WDR41: variants seen among roughly 807,000 people sequenced by gnomAD.
WDR41 encodes WD repeat domain 41, also known as WD repeat-containing protein 41.
In WDR41, 63 loss-of-function variants were observed where a neutral mutation model predicts 69.3. The ratio of observed to expected loss-of-function variants is 0.91; its 90% CI spans 0.74 to 1.12. The LOEUF is 1.12. WDR41 is among the 50% of genes most tolerant of loss of function. The pLI is 0.00. For synonymous variants in WDR41, 185 were observed against 192.1 expected, an observed-to-expected ratio of 0.96 and a Z score of 0.31; for missense variants, 543 against 534.5, an observed-to-expected ratio of 1.02 and a Z score of -0.16.
intron 2 of WDR41, among the ~76,000 whole-genome samples, chr5:77,470,706 A>T (rs908822725): frequency 3.3e-5 from 5 of 152,212 alleles, no homozygotes; most frequent in African/African-American, 1.2e-4. Context: ...TGGTAAAGGG[A>T]TCAATTCACA....
At chr5:77,561,622 G>T (rs556277937) in intron 1 of WDR41, among the ~76,000 whole-genome samples, 5 of 152,170 alleles carry the variant, frequency 3.3e-5, no homozygotes, top group Non-Finnish European at 7.4e-5. Flanking sequence ...TTGAAATAAA[G>T]TCAGACTAAG....
At chr5:77,613,418 A>C (rs1744607179) in intron 1 of WDR41, among the ~76,000 whole-genome samples, 1 of 151,962 alleles carries the variant, frequency 6.6e-6, no homozygotes, top group African/African-American at 2.4e-5. Context: ...CAGTAACCAA[A>C]ACAGCATGGT....
chr5:77,617,978 G>T (rs1467099835), intron 1 of WDR41, among the ~76,000 whole-genome samples: 1 of 152,156 alleles, frequency 6.6e-6, no homozygotes, highest in African/African-American at 2.4e-5. Flanking sequence ...CTGAGAAATC[G>T]ATGACTTAAG....
At chr5:77,593,808 T>G (rs1744172677) in intron 1 of WDR41, among the ~76,000 whole-genome samples, 2 of 152,156 alleles carry the variant, frequency 1.3e-5, no homozygotes, top group Non-Finnish European at 2.9e-5. Context: ...TCACCCATGG[T>G]CTCTCTTTTA....
intron 1 of WDR41, among the ~76,000 whole-genome samples, chr5:77,518,312 G>T (rs17683817): frequency 0.13 from 19,490 of 152,022 alleles, 1,598 homozygotes; most frequent in East Asian, 0.24. Flanking sequence ...AAGAATGTTG[G>T]TTGGTTACAG....
chr5:77,487,163 G>T (rs1352871476), intron 2 of WDR41, among the ~76,000 whole-genome samples: 1 of 152,150 alleles, frequency 6.6e-6, no homozygotes, highest in Non-Finnish European at 1.5e-5. Flanking sequence ...AATATTTAAA[G>T]TCCACAACCT....
intron 8 of WDR41, among the ~76,000 whole-genome samples, chr5:77,442,565 CTAT>C (rs1799205902): frequency 6.6e-6 from 1 of 151,902 alleles, no homozygotes; most frequent in South Asian, 2.1e-4. Flanking sequence ...TATTTTTCTA[CTAT>C]GACTATGTAT....
intron 1 of WDR41, 76 bp from the exon 2 acceptor site, chr5:77,489,648 G>T: frequency 1.1e-6 from 1 of 879,164 alleles, no homozygotes; most frequent in Non-Finnish European, 1.8e-6. Context: ...GACCATATTG[G>T]AATATAACTC....
intron 1 of WDR41, among the ~76,000 whole-genome samples, chr5:77,544,103 G>A (rs1366462595): frequency 1.3e-5 from 2 of 152,086 alleles, no homozygotes; most frequent in Non-Finnish European, 2.9e-5. Flanking sequence ...AATGCTGAAA[G>A]AATTTGCCAC....
chr5:77,471,003 C>T (rs1312373264), intron 2 of WDR41, among the ~76,000 whole-genome samples: 3 of 152,188 alleles, frequency 2.0e-5, no homozygotes, highest in African/African-American at 4.8e-5. Context: ...ACACTTATTT[C>T]AATATTGACC....
intron 2 of WDR41, among the ~76,000 whole-genome samples, chr5:77,481,643 G>C (rs140584546): frequency 6.6e-6 from 1 of 151,918 alleles, no homozygotes; most frequent in African/African-American, 2.4e-5. Context: ...AAATTAGCTC[G>C]GTGTGGTGGC....
At chr5:77,549,860 G>C (rs1164916055) in intron 1 of WDR41, among the ~76,000 whole-genome samples, 1 of 152,100 alleles carries the variant, frequency 6.6e-6, no homozygotes, top group East Asian at 1.9e-4. Flanking sequence ...TAAGGCTACA[G>C]TAACCAAAAC....
At chr5:77,531,030 A>G (rs1802521957) in intron 1 of WDR41, among the ~76,000 whole-genome samples, 1 of 151,788 alleles carries the variant, frequency 6.6e-6, no homozygotes, top group Admixed American at 6.6e-5. Context: ...TCACCTAAAT[A>G]TAAGAACTAA....
chr5:77,545,438 C>T, intron 1 of WDR41: 1 of 191,178 alleles, frequency 5.2e-6, no homozygotes, highest in Non-Finnish European at 1.1e-5. Flanking sequence ...GCCGGAGGCC[C>T]CAAGGGCCCT....
At chr5:77,581,107 G>A (rs1743931856) in intron 1 of WDR41, among the ~76,000 whole-genome samples, 1 of 151,966 alleles carries the variant, frequency 6.6e-6, no homozygotes, top group Non-Finnish European at 1.5e-5. Flanking sequence ...ATGATCTACA[G>A]GAGACACACT....
Position 77,433,075 on chromosome 5 carries a change from A to G in WDR41, c.*60T>C. ...AGTGATCAATATATTAATGGTTTTC[A>G]GAGTAGTACCCGATATTTGATGTTC... On this transcript the variant is annotated 3_prime_UTR_variant, in exon 13 of 13. Transcript: ENST00000296679. The G allele has an allele frequency of 6.7e-7, 1 of 1,494,904 alleles. No homozygotes were observed. The highest frequency in any genetic ancestry group is 8.9e-7 in the Non-Finnish European group (1 of 1,118,264). 92.6% of individuals were successfully genotyped at this position (1,494,904 alleles called of 1,614,324 possible).
chr5:77,612,787 TG>T (rs1269397135), intron 1 of WDR41, among the ~76,000 whole-genome samples: 1 of 149,632 alleles, frequency 6.7e-6, no homozygotes, highest in African/African-American at 2.4e-5. Context: ...TTGGAAGTTC[TG>T]GCCAGGGCAA....
intron 2 of WDR41, among the ~76,000 whole-genome samples, chr5:77,471,243 A>G (rs962364033): frequency 2.0e-5 from 3 of 152,228 alleles, no homozygotes; most frequent in Non-Finnish European, 2.9e-5. Flanking sequence ...ACAAAGACAC[A>G]ACATACCAGA....
At chr5:77,591,165 T>C (rs560458802) in intron 1 of WDR41, among the ~76,000 whole-genome samples, 2 of 152,244 alleles carry the variant, frequency 1.3e-5, no homozygotes, top group South Asian at 4.1e-4. Flanking sequence ...TTTTCAAATG[T>C]TTAGGTATAC....
Sources: allele counts gnomAD v4.1 joint callset (sites outside exome capture counted in the v4.1 genomes callset), GRCh38; gene constraint gnomAD v4.1.1; transcripts MANE v1.5; gene names NCBI Gene and HGNC (gene_info 2026-07-23, HGNC 2026-07-21).